The following R3HDM4 variants were observed in gnomAD, a reference collection of about 807,000 sequenced individuals.
R3HDM4 encodes the protein R3H domain-containing protein 4.
R3HDM4 carries 30 observed loss-of-function variants against 31.3 expected under a neutral mutation model. That is an observed-to-expected ratio of 0.96 (90% CI 0.72 to 1.30). The LOEUF (loss-of-function observed/expected upper bound fraction) is 1.30. R3HDM4 is among the 50% of genes most tolerant of loss of function. The pLI, the probability that R3HDM4 is intolerant of heterozygous loss-of-function variation, is 0.00. For missense variants in R3HDM4, 444 were observed against 366.1 expected (o/e 1.21, Z -1.74); for synonymous variants, 196 against 156.6 (o/e 1.25, Z -1.88).
Position 902,123 on chromosome 19 carries a change from G to A in R3HDM4, c.79C>T (p.Pro27Ser), listed in dbSNP as rs1194376724. 3.1e-6 allele frequency: 5 copies of A among 1,613,074 alleles called. No homozygotes were observed. Among genetic ancestry groups the A allele is most frequent in the Non-Finnish European group, 4.2e-6 (5 of 1,179,914 alleles). Residue 27 changes from proline (P) to serine (S), a missense_variant, in exon 2 of 8, where the codon CCC becomes TCC. By Grantham distance (74) the Pro-to-Ser change is moderately conservative. Transcript: ENST00000361574. Reference sequence around the variant, plus strand: ...CTGGCTAGGGCAGGCAGGCAGCTGGGAAGGGGCCTGTGGGCCGGGGCAGGG... The same window carrying A: ...CTGGCTAGGGCAGGCAGGCAGCTGGAAAGGGGCCTGTGGGCCGGGGCAGGG... The part of the protein sequence containing the change: ...TPGGRRLLPL[P>S]SCLPALASSQ...
chr19:904,440 C>G (rs2036878133), intron 1 of R3HDM4, among the ~76,000 whole-genome samples: 1 of 152,126 alleles, frequency 6.6e-6, no homozygotes, highest in East Asian at 1.9e-4. Flanking sequence ...TAATAGCATC[C>G]AGAGTTCCCA....
intron 1 of R3HDM4, among the ~76,000 whole-genome samples, chr19:910,480 T>C (rs2036958333): frequency 6.7e-6 from 1 of 148,946 alleles, no homozygotes; most frequent in Non-Finnish European, 1.5e-5. Context: ...ATAATACTAC[T>C]ACTAGGCCGG....
chr19:903,123 T>A (rs1345453783), intron 1 of R3HDM4, among the ~76,000 whole-genome samples: 1 of 151,856 alleles, frequency 6.6e-6, no homozygotes, highest in Non-Finnish European at 1.5e-5. Context: ...CGTGAACAGC[T>A]TCCTTCAGAA....
intron 1 of R3HDM4, among the ~76,000 whole-genome samples, chr19:904,545 C>T (rs531067178): frequency 2.8e-4 from 43 of 151,982 alleles, no homozygotes; most frequent in Non-Finnish European, 5.3e-4. Context: ...AAGATTCACT[C>T]GAGGCAAGCT....
intron 1 of R3HDM4, among the ~76,000 whole-genome samples, chr19:904,037 C>T (rs369264310): frequency 6.6e-6 from 1 of 152,186 alleles, no homozygotes; most frequent in African/African-American, 2.4e-5. Flanking sequence ...GACGACAGAG[C>T]GAGACTCTGT....
At chr19:898,524 C>G (rs1187717625) in intron 7 of R3HDM4, among the ~76,000 whole-genome samples, 2 of 151,326 alleles carry the variant, frequency 1.3e-5, no homozygotes, top group Non-Finnish European at 2.9e-5. Flanking sequence ...CGCTTGAACC[C>G]GGAGGTGGAG....
rs1422524992 is a variant in R3HDM4, at chr19:902,122, G to A, written c.80C>T (p.Pro27Leu). ...GCTGGCTAGGGCAGGCAGGCAGCTG[G>A]GAAGGGGCCTGTGGGCCGGGGCAGG... ...TPGGRRLLPL[P>L]SCLPALASSQ... The change falls in exon 2 of 8, where the codon CCC becomes CTC. Residue 27 changes from proline (P) to leucine (L), a missense_variant. Physicochemically the swap from Pro to Leu is moderately conservative, Grantham distance 98. Coordinates refer to ENST00000361574, the MANE Select transcript of R3HDM4 (RefSeq NM_138774.4). The A allele has an allele frequency of 1.2e-6, 2 of 1,613,092 alleles. No homozygotes were observed. The highest frequency in any genetic ancestry group is 1.7e-6 in the Non-Finnish European group (2 of 1,179,946).
rs200123257 is a variant in R3HDM4 at position 902,021 on chromosome 19, C to T, written c.181G>A (p.Val61Met). 16 of 1,613,900 alleles carry T rather than the reference C, an allele frequency of 9.9e-6. No individual in the cohort carries two copies. In the East Asian group the frequency reaches 1.6e-4, roughly 16 times the overall value. Residue 61 changes from valine to methionine, a missense_variant, in exon 2 of 8, where the codon GTG becomes ATG. Physicochemically the swap from Val to Met is conservative, Grantham distance 21 (BLOSUM62 1). Coordinates refer to ENST00000361574, the MANE Select transcript of R3HDM4 (RefSeq NM_138774.4). Reference sequence around the variant, plus strand: ...CTCTTCCGCCCCTTGGCCTTGGGCACGAGGTCTGAGTTCCGCACTGCCTGG... The same window carrying T: ...CTCTTCCGCCCCTTGGCCTTGGGCATGAGGTCTGAGTTCCGCACTGCCTGG... ...INQAVRNSDL[V>M]PKAKGRKSLQ... is the part of the protein sequence containing the mutation.
At position 899,664 on chromosome 19, in the gene R3HDM4, T is replaced by C. The variant is rs753374449; in HGVS notation, c.584A>G (p.Glu195Gly). Residue 195 changes from glutamate (E) to glycine (G), a missense_variant, in exon 6 of 8, where the codon GAG (glutamate) becomes GGG (glycine). Coordinates refer to ENST00000361574, the MANE Select transcript of R3HDM4 (RefSeq NM_138774.4). The surrounding 1 kb of genome is among the most constrained non-coding windows in gnomAD (Gnocchi z 6.8). ...IPMETLETWE[E>G]RLLRFFSVSP... ...CACGGAGAAGAACCGAAGCAGCCGC[T>C]CCTCCCAGGTCTCCAGCGTTTCCTG... 1.2e-5 allele frequency: 19 copies of C among 1,597,488 alleles called. No homozygotes were observed. The Admixed American group carries it at 3.3e-4, about 28-fold the overall frequency.
intron 1 of R3HDM4, among the ~76,000 whole-genome samples, chr19:905,505 C>CAAAAAAAA (rs71335321): frequency 9.9e-6 from 1 of 101,044 alleles, no homozygotes; most frequent in African/African-American, 4.2e-5. Context: ...AACTCTGTCT[C>CAAAAAAAA]AAAAAAAAAA....
rs761492406 is a variant in R3HDM4, at chr19:899,589, G to GC, written c.647+11dup. Reference sequence around the variant, plus strand: ...CCTCGGAGGGTCCGCTCGCCTGGCCGCCCCCCCTTACCTGTTGTCTAGCAT... The same window carrying GC: ...CCTCGGAGGGTCCGCTCGCCTGGCCGCCCCCCCCTTACCTGTTGTCTAGCAT... On this transcript the variant is annotated intron_variant, in intron 6 of 7. Coordinates refer to ENST00000361574, the MANE Select transcript of R3HDM4 (RefSeq NM_138774.4). The surrounding 1 kb of genome is among the most constrained non-coding windows in gnomAD (Gnocchi z 6.8). 86 of 1,611,236 alleles carry GC rather than the reference G, an allele frequency of 5.3e-5. No homozygotes were observed. The Admixed American group carries it at 5.9e-4, about 11-fold the overall frequency.
intron 2 of R3HDM4, 160 bp downstream of exon 2, chr19:901,816 G>T (rs1215044116): frequency 1.3e-6 from 1 of 794,968 alleles, no homozygotes; most frequent in Non-Finnish European, 1.9e-6. Context: ...GCCTGTGTCT[G>T]GCTCTATTTA....
chr19:902,929 G>A (rs2036855570), intron 1 of R3HDM4, among the ~76,000 whole-genome samples: 1 of 152,060 alleles, frequency 6.6e-6, no homozygotes, highest in South Asian at 2.1e-4. Flanking sequence ...GCGACGGAGT[G>A]AGACCTTGTC....
At chr19:901,052 C>T in intron 3 of R3HDM4, 100 bp from the exon 4 acceptor site, 1 of 1,401,356 alleles carries the variant, frequency 7.1e-7, no homozygotes, top group Non-Finnish European at 9.6e-7. Context: ...CACGTGGACG[C>T]GCTCCTGCGG....
Position 900,186 on chromosome 19 carries a change from C to G in R3HDM4, c.476-40G>C, listed in dbSNP as rs146459823. The stretch of plus-strand genomic sequence containing the variant: ...GAACAAGGGGCAGTCTTGGGGTGCT[C>G]GTCCTGGCCCTGCCCACCTGCCAGA... On this transcript the variant is annotated intron_variant, in intron 4 of 7. Coordinates refer to ENST00000361574, the MANE Select transcript of R3HDM4 (RefSeq NM_138774.4). 6.0e-3 allele frequency: 8,916 copies of G among 1,484,514 alleles called. 34 individuals are homozygous for G. Among genetic ancestry groups the G allele is most frequent in the Middle Eastern group, 9.1e-3 (38 of 4,160 alleles). 92.0% of individuals were successfully genotyped at this position (1,484,514 alleles called of 1,614,324 possible).
chr19:901,354 G>C, intron 3 of R3HDM4, 68 bp downstream of exon 3: 1 of 1,528,106 alleles, frequency 6.5e-7, no homozygotes. Context: ...GGGCACAGGC[G>C]ATGGCCTGGC....
At chr19:901,327 T>C in intron 3 of R3HDM4, 95 bp downstream of exon 3, 1 of 1,363,944 alleles carries the variant, frequency 7.3e-7, no homozygotes, top group Non-Finnish European at 1.0e-6. Flanking sequence ...AGTGGGCGGG[T>C]GCTTCTGGCG....
chr19:902,339 G>A (rs2036848722), intron 1 of R3HDM4: 1 of 585,776 alleles, frequency 1.7e-6, no homozygotes, highest in East Asian at 2.9e-5. Flanking sequence ...GCTGGGTGTG[G>A]TGGCTCATGC....
At position 903,228 on chromosome 19, in the gene R3HDM4, G is replaced by GC. The variant is rs11333484; in HGVS notation, c.72-1099dup. 5.8e-3 allele frequency among the ~76,000 whole-genome samples: 868 copies of GC among 149,246 alleles called. 7 individuals are homozygous for GC. Among genetic ancestry groups the GC allele is most frequent in the African/African-American group, 0.019 (777 of 40,354 alleles). On this transcript the variant is annotated intron_variant, in intron 1 of 7. Transcript: ENST00000361574. Reference sequence around the variant, plus strand: ...CCCAGAAGCTCAAGGTGATGCCTCAGCCCCCCCCGCAAACCCCCCCCTTAA... The same window carrying GC: ...CCCAGAAGCTCAAGGTGATGCCTCAGCCCCCCCCCGCAAACCCCCCCCTTAA...
Sources: gnomAD v4.1 joint callset for allele counts (sites outside exome capture counted in the v4.1 genomes callset) on GRCh38, gnomAD v4.1.1 for gene constraint, Gnocchi (gnomAD v3.1) non-coding constraint, MANE v1.5 for transcripts, NCBI Gene and HGNC (gene_info 2026-07-23, HGNC 2026-07-21) for gene names.